Variants in LRP1B observed in about 807,000 individuals in gnomAD.
The protein encoded by LRP1B is LDL receptor related protein 1B.
Under a neutral mutation model 556.6 loss-of-function variants are expected in LRP1B, and 217 were observed. That is an observed-to-expected ratio of 0.39 (90% confidence interval 0.35 to 0.44). The LOEUF is 0.44. Among genes scored for constraint, LRP1B ranks in the 20% least tolerant of loss-of-function variants. LRP1B has a pLI of 1.00. For missense variants in LRP1B, 5,053 were observed against 5,620.8 expected, an observed-to-expected ratio of 0.90 and a Z score of 3.23; for synonymous variants, 2,047 against 1,865.8, an observed-to-expected ratio of 1.10 and a Z score of -2.50.
At chr2:142,130,350 C>A (rs1385455950) in intron 1 of LRP1B, among the ~76,000 whole-genome samples, 1 of 152,200 alleles carries the variant, frequency 6.6e-6, no homozygotes, top group Non-Finnish European at 1.5e-5. Flanking sequence ...ACATCTGCAG[C>A]GCTTAGAATT....
At chr2:142,113,512 G>C (rs1162211538) in intron 1 of LRP1B, among the ~76,000 whole-genome samples, 1 of 147,514 alleles carries the variant, frequency 6.8e-6, no homozygotes, top group Non-Finnish European at 1.5e-5. Flanking sequence ...TAGCTTCAAA[G>C]TTAGGAGAAA....
chr2:140,377,830 A>G (rs916468952), intron 68 of LRP1B, among the ~76,000 whole-genome samples: 2 of 152,202 alleles, frequency 1.3e-5, no homozygotes, highest in African/African-American at 4.8e-5. Context: ...TTTAAAATGC[A>G]TAAAAATATT....
chr2:140,939,391 A>G (rs1460691753), intron 20 of LRP1B, among the ~76,000 whole-genome samples: 2 of 151,364 alleles, frequency 1.3e-5, no homozygotes, highest in Non-Finnish European at 2.9e-5. Flanking sequence ...GAAGAATAAG[A>G]GCATGTGTGA....
chr2:140,725,571 A>T (rs1687565235), intron 35 of LRP1B, among the ~76,000 whole-genome samples: 1 of 151,376 alleles, frequency 6.6e-6, no homozygotes, highest in African/African-American at 2.4e-5. Context: ...GCATTAGGAG[A>T]TATACCTAAT....
chr2:140,971,947 CTT>C (rs1696439339), intron 18 of LRP1B, among the ~76,000 whole-genome samples: 1 of 152,172 alleles, frequency 6.6e-6, no homozygotes, highest in Admixed American at 6.5e-5. Flanking sequence ...GCCTTGGAAT[CTT>C]TATCAGCAAC....
chr2:141,505,771 A>G (rs1038222581), intron 2 of LRP1B, among the ~76,000 whole-genome samples: 4 of 152,034 alleles, frequency 2.6e-5, no homozygotes, highest in Non-Finnish European at 5.9e-5. Flanking sequence ...GCCAATCTCC[A>G]TTAAGATTGC....
chr2:141,296,512 TCA>T (rs1411456236), intron 3 of LRP1B, among the ~76,000 whole-genome samples: 1 of 152,200 alleles, frequency 6.6e-6, no homozygotes, highest in Non-Finnish European at 1.5e-5. Context: ...GAGTTGAAAT[TCA>T]GTTATTTAAA....
intron 1 of LRP1B, among the ~76,000 whole-genome samples, chr2:142,104,085 T>C (rs1054410910): frequency 6.6e-6 from 1 of 152,168 alleles, no homozygotes; most frequent in Admixed American, 6.6e-5. Flanking sequence ...ACTTCCTTTT[T>C]CTTCCAAGAG....
intron 1 of LRP1B, among the ~76,000 whole-genome samples, chr2:141,867,615 C>T (rs4662468): frequency 0.17 from 25,807 of 151,962 alleles, 2,692 homozygotes; most frequent in East Asian, 0.33. Flanking sequence ...TTTTTATCAG[C>T]GTTATGCTTA....
intron 35 of LRP1B, among the ~76,000 whole-genome samples, chr2:140,728,150 T>C (rs917552214): frequency 2.5e-3 from 63 of 24,966 alleles, no homozygotes; most frequent in African/African-American, 6.0e-3. Context: ...TAAACATTAC[T>C]TGTTATTAAA....
intron 3 of LRP1B, among the ~76,000 whole-genome samples, chr2:141,289,123 T>G (rs1356769630): frequency 6.6e-6 from 1 of 151,960 alleles, no homozygotes; most frequent in Non-Finnish European, 1.5e-5. Context: ...GTGGCTTAAC[T>G]CCTGTAATCC....
chr2:141,824,863 A>G (rs1171842780), intron 1 of LRP1B, among the ~76,000 whole-genome samples: 1 of 152,112 alleles, frequency 6.6e-6, no homozygotes, highest in South Asian at 2.1e-4. Context: ...TGTAATCCCA[A>G]TGTGTCGAGG....
At chr2:141,278,975 G>A (rs1216274522) in intron 3 of LRP1B, among the ~76,000 whole-genome samples, 1 of 152,108 alleles carries the variant, frequency 6.6e-6, no homozygotes, top group Non-Finnish European at 1.5e-5. Flanking sequence ...TATTGGAGGG[G>A]ATGGACATAC....
At chr2:140,551,156 T>C (rs1350824744) in intron 43 of LRP1B, among the ~76,000 whole-genome samples, 2 of 152,170 alleles carry the variant, frequency 1.3e-5, no homozygotes, top group South Asian at 2.1e-4. Context: ...GTCTATGGCA[T>C]TTTATTATAG....
At chr2:141,311,017 G>T (rs543083970) in intron 3 of LRP1B, among the ~76,000 whole-genome samples, 1 of 152,242 alleles carries the variant, frequency 6.6e-6, no homozygotes, top group East Asian at 1.9e-4. Flanking sequence ...CAGCCCTAAA[G>T]TTAAAGTTAT....
intron 58 of LRP1B, among the ~76,000 whole-genome samples, chr2:140,486,791 A>T (rs1421018167): frequency 6.6e-6 from 1 of 151,870 alleles, no homozygotes; most frequent in Non-Finnish European, 1.5e-5. Context: ...ATCTTTTATT[A>T]TATAAACCAT....
chr2:140,547,926 A>G (rs796229733), intron 43 of LRP1B, among the ~76,000 whole-genome samples: 45 of 151,918 alleles, frequency 3.0e-4, no homozygotes, highest in African/African-American at 1.0e-3. Context: ...TATTCCAAAC[A>G]GGACTCACTG....
At chr2:140,586,045 T>C (rs2105150924) in intron 43 of LRP1B, among the ~76,000 whole-genome samples, 1 of 152,302 alleles carries the variant, frequency 6.6e-6, no homozygotes, top group Admixed American at 6.5e-5. Context: ...GATGTTTCCC[T>C]TTTTTTCTAT....
At chr2:141,583,790 A>G (rs5026930) in intron 2 of LRP1B, among the ~76,000 whole-genome samples, 45,960 of 151,860 alleles carry the variant, frequency 0.3, 8,011 homozygotes, top group Non-Finnish European at 0.39. Flanking sequence ...GCCAGGCTGG[A>G]GTGCCGTGGC....
Sources: gnomAD v4.1 joint callset for allele counts (sites outside exome capture counted in the v4.1 genomes callset) on GRCh38, gnomAD v4.1.1 for gene constraint, MANE v1.5 for transcripts, NCBI Gene and HGNC (gene_info 2026-07-23, HGNC 2026-07-21) for gene names.